The following ARHGEF4 variants were observed in gnomAD, a reference collection of about 807,000 sequenced individuals.
ARHGEF4 encodes the protein APC-stimulated guanine nucleotide exchange factor 1.
A neutral mutation model predicts 162.0 loss-of-function variants in ARHGEF4; 119 were observed. That is an observed-to-expected ratio of 0.73 (90% confidence interval 0.63 to 0.86). The LOEUF (loss-of-function observed/expected upper bound fraction) is 0.86. ARHGEF4 is among the 40% of genes least tolerant of loss of function. ARHGEF4 has a pLI of 0.00. For synonymous variants in ARHGEF4, 1,014 were observed against 979.9 expected (o/e 1.03, Z -0.65); for missense variants, 2,488 against 2,456.0 (o/e 1.01, Z -0.28).
intron 3 of ARHGEF4, among the ~76,000 whole-genome samples, chr2:130,945,909 A>G (rs1409884704): frequency 1.3e-5 from 2 of 152,246 alleles, no homozygotes; most frequent in Non-Finnish European, 2.9e-5. Flanking sequence ...GCAAAAAGTA[A>G]GGGAAGAAGC....
At chr2:131,033,794 G>A (rs1004423594) in intron 5 of ARHGEF4, among the ~76,000 whole-genome samples, 4 of 152,142 alleles carry the variant, frequency 2.6e-5, no homozygotes, top group Admixed American at 2.6e-4. Context: ...CAGATGTGAG[G>A]GAGGCACACA....
At chr2:130,929,498 C>T (rs745536105) in intron 2 of ARHGEF4, among the ~76,000 whole-genome samples, 8 of 152,136 alleles carry the variant, frequency 5.3e-5, no homozygotes, top group Non-Finnish European at 1.2e-4. Flanking sequence ...ATACTGTAAT[C>T]TCCCAAGTAC....
rs921120162 is a variant in ARHGEF4, at chr2:130,917,794, ATTTTC to A, written c.3552+311_3552+315del. On this transcript the variant is annotated intron_variant, in intron 2 of 13. Coordinates refer to ENST00000409359, the MANE Select transcript of ARHGEF4 (RefSeq NM_001367493.1). ...ACTGCCTGCTCCCTGGGCACTGCCC[ATTTTC>A]TTTTCTTTTCTTTTTCTTTTTTTCT... 4.7e-5 allele frequency among the ~76,000 whole-genome samples: 7 copies of A among 149,488 alleles called. 1 individual carries two copies. Among genetic ancestry groups the A allele is most frequent in the Admixed American group, 1.3e-4 (2 of 14,976 alleles).
At chr2:130,987,830 C>G (rs1686625563) in intron 4 of ARHGEF4, among the ~76,000 whole-genome samples, 1 of 152,142 alleles carries the variant, frequency 6.6e-6, no homozygotes, top group Non-Finnish European at 1.5e-5. Context: ...GATTAATGCT[C>G]TAAGCATCAG....
At chr2:130,964,211 G>A in intron 4 of ARHGEF4, 1 of 985,380 alleles carries the variant, frequency 1.0e-6, no homozygotes. Context: ...GCCGTGTCCC[G>A]CTCCTGGAGC....
intron 1 of ARHGEF4, among the ~76,000 whole-genome samples, chr2:130,886,009 G>A (rs183314772): frequency 1.2e-3 from 180 of 152,166 alleles, no homozygotes; most frequent in Non-Finnish European, 2.1e-3. Flanking sequence ...AGAAGCCTCT[G>A]GAAACCCCTT....
In ARHGEF4 at chr2:130,878,661, G is replaced by A. The variant is rs555873538; in HGVS notation, c.40-35325G>A. On this transcript the variant is annotated intron_variant, in intron 1 of 13. Transcript: ENST00000409359. Reference sequence around the variant, plus strand: ...TTCTTGGCTTTCCCAGCACATATGTGCAGGGATACTCAGGGCCACGGTGAT... The same window carrying A: ...TTCTTGGCTTTCCCAGCACATATGTACAGGGATACTCAGGGCCACGGTGAT... Among the ~76,000 whole-genome samples, 8 of 152,328 alleles carry A rather than the reference G, an allele frequency of 5.3e-5. No homozygotes were observed. The South Asian group carries it at 1.7e-3, about 32-fold the overall frequency.
intron 1 of ARHGEF4, among the ~76,000 whole-genome samples, chr2:130,896,474 C>T (rs1488227930): frequency 1.3e-5 from 2 of 152,194 alleles, no homozygotes; most frequent in African/African-American, 4.8e-5. Flanking sequence ...GGAAGGACAT[C>T]GCAGTTCACT....
intron 6 of ARHGEF4, chr2:131,039,666 C>T: frequency 2.5e-6 from 3 of 1,192,372 alleles, no homozygotes; most frequent in Non-Finnish European, 3.1e-6. Context: ...AGCCAGCGGG[C>T]GCGCCACCCA....
At chr2:130,882,556 C>G (rs777977906) in intron 1 of ARHGEF4, among the ~76,000 whole-genome samples, 13 of 151,954 alleles carry the variant, frequency 8.6e-5, no homozygotes, top group Non-Finnish European at 1.6e-4. Flanking sequence ...AGTCTCCTCT[C>G]AATACCCTCA....
Position 130,916,281 on chromosome 2 carries a change from C to T in ARHGEF4, c.2335C>T (p.Arg779Cys), listed in dbSNP as rs1234023192. Residue 779 changes from arginine (R) to cysteine (C), a missense_variant, in exon 2 of 14, where the codon CGC (arginine) becomes TGC (cysteine). This residue lies in a region of ARHGEF4 where 1,642 missense variants were observed against 1,481.5 expected (regional missense o/e 1.11). Transcript: ENST00000409359. Reference sequence around the variant, plus strand: ...CGCCTTGGAGCCGCCCCAGCCGCCACGCGGGCTCCGCAAGGGCGCGCAGGA... The same window carrying T: ...CGCCTTGGAGCCGCCCCAGCCGCCATGCGGGCTCCGCAAGGGCGCGCAGGA... ...VPALEPPQPP[R>C]GLRKGAQEPG... 7.8e-6 allele frequency: 12 copies of T among 1,528,704 alleles called. No homozygotes were observed. Among genetic ancestry groups the T allele is most frequent in the Non-Finnish European group, 1.1e-5 (12 of 1,140,344 alleles). 94.7% of individuals were successfully genotyped at this position (1,528,704 alleles called of 1,614,324 possible).
chr2:130,948,433 A>C (rs1683754554), intron 4 of ARHGEF4, among the ~76,000 whole-genome samples: 1 of 152,174 alleles, frequency 6.6e-6, no homozygotes, highest in Non-Finnish European at 1.5e-5. Context: ...TAAGTCATAG[A>C]GTTATTTAGA....
intron 4 of ARHGEF4, among the ~76,000 whole-genome samples, chr2:130,950,030 T>A (rs1287569654): frequency 6.6e-6 from 1 of 152,212 alleles, no homozygotes; most frequent in Non-Finnish European, 1.5e-5. Flanking sequence ...AGCAGTGGTG[T>A]GTTGTTAAGT....
intron 4 of ARHGEF4, among the ~76,000 whole-genome samples, chr2:130,955,981 A>G (rs980404796): frequency 6.6e-6 from 1 of 152,186 alleles, no homozygotes; most frequent in Non-Finnish European, 1.5e-5. Flanking sequence ...CTGTTTTACA[A>G]CCTGCTTCCC....
chr2:130,937,071 C>T (rs1683000190), intron 3 of ARHGEF4, among the ~76,000 whole-genome samples: 2 of 151,898 alleles, frequency 1.3e-5, no homozygotes, highest in Non-Finnish European at 2.9e-5. Flanking sequence ...CCAGGCCTGG[C>T]TAATTTTTTT....
chr2:130,888,176 T>TA (rs1358963297), intron 1 of ARHGEF4, among the ~76,000 whole-genome samples: 17 of 152,182 alleles, frequency 1.1e-4, no homozygotes, highest in Middle Eastern at 3.4e-3. Context: ...CTAACTTCTT[T>TA]AAAAAAATGC....
At chr2:130,946,416 A>G in intron 3 of ARHGEF4, 93 bp from the exon 4 acceptor site, 11 of 1,470,294 alleles carry the variant, frequency 7.5e-6, no homozygotes, top group Non-Finnish European at 9.1e-6. Flanking sequence ...TCACAATGAA[A>G]AGTCCTCAGC....
intron 1 of ARHGEF4, among the ~76,000 whole-genome samples, chr2:130,844,767 A>ATT (rs1459961962): frequency 6.6e-6 from 1 of 151,900 alleles, no homozygotes; most frequent in Non-Finnish European, 1.5e-5. Flanking sequence ...CCCAACAACT[A>ATT]TTAGCTATCC....
intron 4 of ARHGEF4, among the ~76,000 whole-genome samples, chr2:130,964,568 C>G (rs980867556): frequency 3.3e-5 from 5 of 152,206 alleles, no homozygotes; most frequent in Admixed American, 6.5e-5. Flanking sequence ...ATTTGGTGCC[C>G]GATGCGCTGT....
Sources: allele counts gnomAD v4.1 joint callset (sites outside exome capture counted in the v4.1 genomes callset), GRCh38; gene constraint gnomAD v4.1.1; regional missense constraint gnomAD v4.1.1; transcripts MANE v1.5; gene names NCBI Gene and HGNC (gene_info 2026-07-23, HGNC 2026-07-21).